Variants in PCDHA2 observed in about 807,000 individuals in gnomAD.
The protein encoded by PCDHA2 is protocadherin alpha-2.
Under a neutral mutation model 66.0 loss-of-function variants are expected in PCDHA2, and 58 were observed. The observed-to-expected ratio is 0.88, with a 90% CI of 0.71 to 1.09. The LOEUF (loss-of-function observed/expected upper bound fraction) is 1.09, where lower values mean the gene tolerates loss of function less well. Among genes scored for constraint, PCDHA2 ranks in the 50% least tolerant of loss-of-function variants. The pLI, the probability that PCDHA2 is intolerant of heterozygous loss-of-function variation, is 0.00. For missense variants in PCDHA2, 1,267 were observed against 1,242.3 expected, an observed-to-expected ratio of 1.02 and a Z score of -0.30; for synonymous variants, 634 against 554.0, an observed-to-expected ratio of 1.14 and a Z score of -2.03.
intron 1 of PCDHA2, among the ~76,000 whole-genome samples, chr5:140,970,314 A>G (rs141905108): frequency 0.01 from 1,597 of 152,320 alleles, 13 homozygotes; most frequent in Middle Eastern, 0.014. Flanking sequence ...AAGTTAAATG[A>G]CAGTACTTCC....
intron 3 of PCDHA2, among the ~76,000 whole-genome samples, chr5:140,997,458 G>A (rs1167865060): frequency 5.3e-5 from 8 of 152,070 alleles, no homozygotes; most frequent in African/African-American, 1.7e-4. Flanking sequence ...ACTGAATACT[G>A]TAGGCAATTT....
chr5:140,987,709 T>TATG (rs1359366930), intron 3 of PCDHA2, among the ~76,000 whole-genome samples: 1 of 152,190 alleles, frequency 6.6e-6, no homozygotes, highest in Non-Finnish European at 1.5e-5. Flanking sequence ...TTTTTCCAGG[T>TATG]ATGAGTCTAT....
intron 1 of PCDHA2, chr5:140,876,877 C>T: frequency 6.2e-7 from 1 of 1,614,138 alleles, no homozygotes; most frequent in Non-Finnish European, 8.5e-7. Context: ...GGAGAACAAC[C>T]CGCCGGGCTG....
At chr5:140,955,126 G>T (rs947007538) in intron 1 of PCDHA2, among the ~76,000 whole-genome samples, 6 of 152,110 alleles carry the variant, frequency 3.9e-5, no homozygotes, top group African/African-American at 1.4e-4. Flanking sequence ...CTGTTCCACT[G>T]GTCTACACGT....
intron 1 of PCDHA2, chr5:140,848,438 T>C: frequency 6.8e-7 from 1 of 1,477,490 alleles, no homozygotes; most frequent in Non-Finnish European, 9.2e-7. Flanking sequence ...CGAAATCAGA[T>C]GATTTCTTCT....
chr5:140,967,334 A>T, intron 1 of PCDHA2: 1 of 1,608,228 alleles, frequency 6.2e-7, no homozygotes, highest in South Asian at 1.1e-5. Flanking sequence ...GCTCAGCCCC[A>T]GCGAGCACTT....
chr5:140,820,952 GT>G (rs1554127955), intron 1 of PCDHA2, among the ~76,000 whole-genome samples: 2 of 151,916 alleles, frequency 1.3e-5, no homozygotes, highest in African/African-American at 4.8e-5. Context: ...CCCCATTACA[GT>G]TTTTGAGTCA....
At chr5:140,805,900 T>C (rs1763649020) in intron 1 of PCDHA2, among the ~76,000 whole-genome samples, 1 of 152,206 alleles carries the variant, frequency 6.6e-6, no homozygotes, top group East Asian at 1.9e-4. Flanking sequence ...AAACATTTTC[T>C]GCAGGGTAAA....
chr5:140,875,854 G>C, intron 1 of PCDHA2: 1 of 1,614,160 alleles, frequency 6.2e-7, no homozygotes. Context: ...GGACATTAAC[G>C]ACAACCCGCC....
intron 3 of PCDHA2, among the ~76,000 whole-genome samples, chr5:140,998,919 A>G (rs781864069): frequency 6.6e-6 from 1 of 152,248 alleles, no homozygotes; most frequent in Non-Finnish European, 1.5e-5. Flanking sequence ...TAGCTATTAT[A>G]TCCATTTTAC....
chr5:140,952,121 C>A (rs993598007), intron 1 of PCDHA2, among the ~76,000 whole-genome samples: 1 of 152,102 alleles, frequency 6.6e-6, no homozygotes, highest in Non-Finnish European at 1.5e-5. Context: ...GGGATGGGCT[C>A]CCAAGGCCTT....
chr5:140,973,850 T>G (rs767532771), intron 1 of PCDHA2, among the ~76,000 whole-genome samples: 25 of 152,176 alleles, frequency 1.6e-4, no homozygotes, highest in Admixed American at 5.2e-4. Flanking sequence ...TGCCTACCAA[T>G]TTTTGCTCTC....
chr5:140,971,771 T>C (rs1433692038), intron 1 of PCDHA2, among the ~76,000 whole-genome samples: 1 of 152,192 alleles, frequency 6.6e-6, no homozygotes, highest in Non-Finnish European at 1.5e-5. Context: ...TCTTGAATAT[T>C]ATTCAAGATT....
intron 1 of PCDHA2, among the ~76,000 whole-genome samples, chr5:140,895,090 T>A (rs2064836305): frequency 6.6e-6 from 1 of 152,190 alleles, no homozygotes; most frequent in Non-Finnish European, 1.5e-5. Flanking sequence ...CTCCTCAGTA[T>A]AGGGGTTTTT....
At chr5:140,931,717 C>G (rs2087694120) in intron 1 of PCDHA2, among the ~76,000 whole-genome samples, 1 of 151,872 alleles carries the variant, frequency 6.6e-6, no homozygotes, top group Admixed American at 6.6e-5. Flanking sequence ...AAAATAACTT[C>G]TATAAATATG....
chr5:140,997,575 C>T (rs565835201), intron 3 of PCDHA2, among the ~76,000 whole-genome samples: 5 of 151,884 alleles, frequency 3.3e-5, no homozygotes, highest in East Asian at 3.9e-4. Context: ...ATGTGTGGTC[C>T]GTTGTTGACT....
At chr5:140,857,797 G>A (rs371795952) in intron 1 of PCDHA2, 2 of 1,597,708 alleles carry the variant, frequency 1.3e-6, no homozygotes, top group Middle Eastern at 1.7e-4. Flanking sequence ...TGCTGCGGTC[G>A]GTGGTTGCGG....
intron 1 of PCDHA2, among the ~76,000 whole-genome samples, chr5:140,886,622 C>T (rs1483241958): frequency 6.6e-6 from 1 of 151,430 alleles, no homozygotes; most frequent in Non-Finnish European, 1.5e-5. Context: ...GATCAGGAGT[C>T]CGAGACCAGC....
intron 1 of PCDHA2, chr5:140,875,266 A>G (rs1262893019): frequency 8.3e-7 from 1 of 1,202,212 alleles, no homozygotes. Flanking sequence ...ATGTCGCTCT[A>G]CACTCAGAAG....
Sources: allele counts gnomAD v4.1 joint callset (sites outside exome capture counted in the v4.1 genomes callset), GRCh38; gene constraint gnomAD v4.1.1; transcripts MANE v1.5; gene names NCBI Gene and HGNC (gene_info 2026-07-23, HGNC 2026-07-21).